The following SPOCK1 variants were observed in gnomAD, a reference collection of about 807,000 sequenced individuals.
SPOCK1 encodes the protein testican-1.
Under a neutral mutation model 55.3 loss-of-function variants are expected in SPOCK1, and 23 were observed. That is an observed-to-expected ratio of 0.42 (90% CI 0.30 to 0.59). The LOEUF (loss-of-function observed/expected upper bound fraction) is 0.59. SPOCK1 is among the 20% of genes least tolerant of loss of function. SPOCK1 has a pLI of 0.22. For synonymous variants in SPOCK1, 226 were observed against 221.0 expected (o/e 1.02, Z -0.20); for missense variants, 499 against 552.5 (o/e 0.90, Z 0.97).
intron 2 of SPOCK1, among the ~76,000 whole-genome samples, chr5:137,294,645 T>C (rs1020070464): frequency 2.0e-5 from 3 of 152,170 alleles, no homozygotes; most frequent in African/African-American, 7.2e-5. Flanking sequence ...GTTCTATACA[T>C]AAATAAAGAC....
chr5:137,045,146 T>C (rs1162009151), intron 6 of SPOCK1, among the ~76,000 whole-genome samples: 1 of 151,452 alleles, frequency 6.6e-6, no homozygotes, highest in African/African-American at 2.4e-5. Flanking sequence ...TATAATCTTT[T>C]AGGTATATAC....
At chr5:137,000,024 C>G (rs1398054940) in intron 6 of SPOCK1, among the ~76,000 whole-genome samples, 1 of 152,156 alleles carries the variant, frequency 6.6e-6, no homozygotes, top group Non-Finnish European at 1.5e-5. Context: ...CAAACCTCAC[C>G]AATGCGATCT....
At chr5:137,259,008 G>C (rs990365284) in intron 3 of SPOCK1, among the ~76,000 whole-genome samples, 1 of 152,144 alleles carries the variant, frequency 6.6e-6, no homozygotes, top group East Asian at 1.9e-4. Context: ...CACAGTTCCT[G>C]ACAGAACTGA....
chr5:137,417,806 T>C (rs896394421), intron 2 of SPOCK1, among the ~76,000 whole-genome samples: 5 of 152,186 alleles, frequency 3.3e-5, no homozygotes, highest in Admixed American at 6.5e-5. Context: ...TTTTATGTTT[T>C]ATTTTCTTTT....
Position 137,192,079 on chromosome 5 carries a change from C to CA in SPOCK1, c.233-51386dup, listed in dbSNP as rs553142504. ...GTGAAACCTCGTATCTACTAAAATA[C>CA]AAAAAAAAATTAGCTGGGCGTGGCG... is the stretch of plus-strand genomic sequence containing the variant. On this transcript the variant is annotated intron_variant, in intron 3 of 10. Transcript: ENST00000394945. 4.1e-3 allele frequency among the ~76,000 whole-genome samples: 618 copies of CA among 149,706 alleles called. 2 individuals carry two copies. The highest frequency in any genetic ancestry group is 0.015 in the African/African-American group (601 of 40,798).
At chr5:137,051,848 T>A (rs893342228) in intron 6 of SPOCK1, among the ~76,000 whole-genome samples, 6 of 151,894 alleles carry the variant, frequency 4.0e-5, no homozygotes, top group African/African-American at 7.3e-5. Flanking sequence ...TGTGTAGGAG[T>A]CAGATAATTG....
At chr5:137,230,168 T>C (rs1434633) in intron 3 of SPOCK1, among the ~76,000 whole-genome samples, 131,125 of 152,256 alleles carry the variant, frequency 0.86, 56,544 homozygotes, top group African/African-American at 0.91. Flanking sequence ...AGCCACTGAG[T>C]GCACGTAAGA....
At chr5:137,238,581 G>T (rs1277532096) in intron 3 of SPOCK1, among the ~76,000 whole-genome samples, 1 of 152,046 alleles carries the variant, frequency 6.6e-6, no homozygotes, top group East Asian at 1.9e-4. Context: ...CACAAGAAAG[G>T]CAAATATTGC....
At chr5:137,471,335 T>C (rs1753733662) in intron 2 of SPOCK1, among the ~76,000 whole-genome samples, 1 of 152,210 alleles carries the variant, frequency 6.6e-6, no homozygotes, top group Admixed American at 6.5e-5. Flanking sequence ...CTTTTTTTGT[T>C]TGTTTGTTTG....
chr5:137,217,787 C>G (rs1165726272), intron 3 of SPOCK1, among the ~76,000 whole-genome samples: 1 of 152,188 alleles, frequency 6.6e-6, no homozygotes, highest in Non-Finnish European at 1.5e-5. Context: ...ACAACACTCT[C>G]CTTTTACTGA....
intron 6 of SPOCK1, among the ~76,000 whole-genome samples, chr5:136,998,718 G>C (rs531729349): frequency 2.0e-5 from 3 of 152,334 alleles, no homozygotes; most frequent in African/African-American, 7.2e-5. Context: ...TGTTAGCTTT[G>C]GTGTGAGAAC....
At chr5:137,419,093 C>G (rs567944045) in intron 2 of SPOCK1, among the ~76,000 whole-genome samples, 7 of 152,128 alleles carry the variant, frequency 4.6e-5, no homozygotes, top group Non-Finnish European at 1.0e-4. Flanking sequence ...TCAAGTTTGT[C>G]AAAGATCAGA....
intron 3 of SPOCK1, among the ~76,000 whole-genome samples, chr5:137,157,880 T>C (rs979099834): frequency 3.9e-5 from 6 of 152,170 alleles, no homozygotes; most frequent in African/African-American, 1.2e-4. Flanking sequence ...GTTAACATGG[T>C]GAAACCCCGT....
intron 6 of SPOCK1, among the ~76,000 whole-genome samples, chr5:136,995,581 T>C (rs1487913738): frequency 6.6e-6 from 1 of 152,224 alleles, no homozygotes; most frequent in Non-Finnish European, 1.5e-5. Flanking sequence ...ATAGCCTCTA[T>C]TTTTTCTCTA....
intron 2 of SPOCK1, among the ~76,000 whole-genome samples, chr5:137,326,872 C>A (rs1758086909): frequency 6.6e-6 from 1 of 152,164 alleles, no homozygotes; most frequent in African/African-American, 2.4e-5. Flanking sequence ...TGTGAAAAAT[C>A]AAACAAGTAA....
chr5:137,074,577 C>T (rs1240035975), intron 5 of SPOCK1, among the ~76,000 whole-genome samples: 3 of 152,226 alleles, frequency 2.0e-5, no homozygotes, highest in East Asian at 3.9e-4. Context: ...AGTGCAGTGA[C>T]ATGATTTCAG....
Position 137,187,033 on chromosome 5 carries a change from C to G in SPOCK1, c.233-46339G>C, listed in dbSNP as rs148349572. 3.3e-5 allele frequency among the ~76,000 whole-genome samples: 5 copies of G among 152,218 alleles called. No homozygotes were observed. In the South Asian group the frequency reaches 1.0e-3, roughly 32 times the overall value. On this transcript the variant is annotated intron_variant, in intron 3 of 10. Transcript: ENST00000394945. ...GCCCCATCCAGTCCACGTCCCACCT[C>G]TCTGGCAGCTCCTTGGTCTCTTTGT...
At chr5:137,242,074 A>G (rs1158585044) in intron 3 of SPOCK1, among the ~76,000 whole-genome samples, 2 of 152,200 alleles carry the variant, frequency 1.3e-5, no homozygotes, top group Non-Finnish European at 2.9e-5. Flanking sequence ...ATTTAACACT[A>G]AAAAACCATA....
At chr5:137,430,126 C>G (rs145144988) in intron 2 of SPOCK1, among the ~76,000 whole-genome samples, 2 of 152,348 alleles carry the variant, frequency 1.3e-5, no homozygotes, top group African/African-American at 4.8e-5. Context: ...TGATACTAAT[C>G]TTACTACACA....
Sources: allele counts gnomAD v4.1 joint callset (sites outside exome capture counted in the v4.1 genomes callset), GRCh38; gene constraint gnomAD v4.1.1; transcripts MANE v1.5; gene names NCBI Gene and HGNC (gene_info 2026-07-23, HGNC 2026-07-21).